Variants in TBC1D22A observed in about 807,000 individuals in gnomAD.
The protein encoded by TBC1D22A is putative GTPase activator.
Under a neutral mutation model 60.2 loss-of-function variants are expected in TBC1D22A, and 38 were observed. That is an observed-to-expected ratio of 0.63 (90% confidence interval 0.49 to 0.83). TBC1D22A has a LOEUF of 0.83. TBC1D22A is among the 40% of genes least tolerant of loss of function. The probability of loss-of-function intolerance (pLI) is 0.00; values close to 1 mark genes in which losing one functional copy is unlikely to be tolerated. For missense variants in TBC1D22A, 628 were observed against 701.0 expected (o/e 0.90, Z 1.18); for synonymous variants, 302 against 281.7 (o/e 1.07, Z -0.72).
At chr22:46,956,625 T>C (rs2148033023) in intron 8 of TBC1D22A, among the ~76,000 whole-genome samples, 1 of 152,248 alleles carries the variant, frequency 6.6e-6, no homozygotes, top group Middle Eastern at 3.4e-3. Context: ...TGTAGTGCCC[T>C]GTCAAGCCCG....
At chr22:47,076,367 A>ATATATATATATATATATGTGTG (rs1569422569) in intron 11 of TBC1D22A, among the ~76,000 whole-genome samples, 2 of 103,952 alleles carry the variant, frequency 1.9e-5, no homozygotes, top group African/African-American at 8.4e-5. Flanking sequence ...GTGTGTATAT[A>ATATATATATATATATATGTGTG]TATATATATA....
intron 12 of TBC1D22A, among the ~76,000 whole-genome samples, chr22:47,153,100 T>C (rs1405558419): frequency 3.3e-5 from 5 of 152,184 alleles, no homozygotes; most frequent in Non-Finnish European, 5.9e-5. Flanking sequence ...GCTTCCATTC[T>C]CAGAGGCACC....
rs116493576 is a variant in TBC1D22A, at chr22:46,840,854, G to A, written c.638-37799G>A. 5.3e-3 allele frequency among the ~76,000 whole-genome samples: 811 copies of A among 152,204 alleles called. 7 individuals carry two copies. The highest frequency in any genetic ancestry group is 0.019 in the African/African-American group (769 of 41,530). ...GCCTTTATGGAAAACGGTATGGAGG[G>A]TCCTCAAAAAATTTAACACAGAACT... On this transcript the variant is annotated intron_variant, in intron 4 of 12. Transcript: ENST00000337137.
chr22:46,965,889 A>G (rs1281046287), intron 8 of TBC1D22A, among the ~76,000 whole-genome samples: 4 of 151,964 alleles, frequency 2.6e-5, no homozygotes, highest in South Asian at 2.1e-4. Context: ...AGGTGGCAGC[A>G]TCTCCACCCG....
chr22:47,143,834 G>A (rs2067193225), intron 12 of TBC1D22A, among the ~76,000 whole-genome samples: 1 of 152,224 alleles, frequency 6.6e-6, no homozygotes, highest in African/African-American at 2.4e-5. Context: ...TGGGCCCGGA[G>A]GTGAAGGTTG....
intron 12 of TBC1D22A, among the ~76,000 whole-genome samples, chr22:47,125,852 C>G (rs2066433495): frequency 6.6e-6 from 1 of 152,230 alleles, no homozygotes; most frequent in African/African-American, 2.4e-5. Flanking sequence ...CCTGGAGCAG[C>G]CAACATCGGG....
At chr22:47,017,607 G>A (rs2061952196) in intron 10 of TBC1D22A, among the ~76,000 whole-genome samples, 1 of 152,066 alleles carries the variant, frequency 6.6e-6, no homozygotes, top group South Asian at 2.1e-4. Context: ...AGTGAGGTGG[G>A]GACACTCAGG....
chr22:46,986,449 T>C (rs1004980684), intron 9 of TBC1D22A, among the ~76,000 whole-genome samples: 5 of 152,144 alleles, frequency 3.3e-5, no homozygotes, highest in Non-Finnish European at 7.3e-5. Context: ...TGTGGAATTG[T>C]ATGTCAGTTT....
chr22:47,047,751 G>T (rs1173411463), intron 11 of TBC1D22A, among the ~76,000 whole-genome samples: 2 of 152,272 alleles, frequency 1.3e-5, no homozygotes, highest in Non-Finnish European at 2.9e-5. Flanking sequence ...GGAGGGTTCA[G>T]AGCTGGGGTC....
chr22:46,774,069 G>T, intron 1 of TBC1D22A: 1 of 985,626 alleles, frequency 1.0e-6, no homozygotes, highest in Non-Finnish European at 1.2e-6. Context: ...TTGGGTGGAG[G>T]TGTTCCTCCC....
intron 1 of TBC1D22A, among the ~76,000 whole-genome samples, chr22:46,785,300 T>C (rs2084111322): frequency 6.6e-6 from 1 of 152,216 alleles, no homozygotes; most frequent in African/African-American, 2.4e-5. Flanking sequence ...TGGGTTGTAA[T>C]GTGTACATAT....
chr22:47,157,299 C>T (rs930394425), intron 12 of TBC1D22A, among the ~76,000 whole-genome samples: 4 of 152,226 alleles, frequency 2.6e-5, no homozygotes, highest in African/African-American at 9.6e-5. Flanking sequence ...CAGAGCTGCA[C>T]TATCCTGCAC....
intron 12 of TBC1D22A, among the ~76,000 whole-genome samples, chr22:47,155,351 C>T (rs2067671533): frequency 6.6e-6 from 1 of 152,214 alleles, no homozygotes; most frequent in Non-Finnish European, 1.5e-5. Flanking sequence ...TGGCAGCTGC[C>T]ACCCTGTCCC....
intron 11 of TBC1D22A, among the ~76,000 whole-genome samples, chr22:47,082,424 A>T (rs2064508381): frequency 6.6e-6 from 1 of 152,170 alleles, no homozygotes. Flanking sequence ...AGAATAATAG[A>T]ATCGAGTAGA....
intron 4 of TBC1D22A, among the ~76,000 whole-genome samples, chr22:46,857,163 C>CA (rs1406225872): frequency 6.6e-6 from 1 of 152,204 alleles, no homozygotes; most frequent in Admixed American, 6.5e-5. Flanking sequence ...CAGTTAAAAA[C>CA]AAAAAACAGA....
At chr22:47,131,951 G>A (rs5766686) in intron 12 of TBC1D22A, among the ~76,000 whole-genome samples, 48,706 of 152,108 alleles carry the variant, frequency 0.32, 8,115 homozygotes, top group East Asian at 0.61. Context: ...AACTCTCTGT[G>A]CTGAAGGCCA....
intron 4 of TBC1D22A, among the ~76,000 whole-genome samples, chr22:46,845,771 A>G (rs1462073500): frequency 6.6e-6 from 1 of 152,240 alleles, no homozygotes; most frequent in East Asian, 1.9e-4. Context: ...ATTATGCTCA[A>G]AATATTAGGC....
At chr22:46,884,139 G>A (rs927171035) in intron 5 of TBC1D22A, among the ~76,000 whole-genome samples, 1 of 152,160 alleles carries the variant, frequency 6.6e-6, no homozygotes, top group South Asian at 2.1e-4. Flanking sequence ...ACAATACACC[G>A]AGAAGTAGAT....
chr22:47,061,466 C>A (rs1363896169), intron 11 of TBC1D22A, among the ~76,000 whole-genome samples: 1 of 152,124 alleles, frequency 6.6e-6, no homozygotes. Context: ...CAGCCACCAG[C>A]ACTTGGCAGA....
Sources: allele counts gnomAD v4.1 joint callset (sites outside exome capture counted in the v4.1 genomes callset), GRCh38; gene constraint gnomAD v4.1.1; transcripts MANE v1.5; gene names NCBI Gene and HGNC (gene_info 2026-07-23, HGNC 2026-07-21).